The following PCDHA9 variants were observed in gnomAD, a reference collection of about 807,000 sequenced individuals.
PCDHA9 encodes the protein protocadherin alpha-9.
In PCDHA9, 62 loss-of-function variants were observed where a neutral mutation model predicts 62.0. That is an observed-to-expected ratio of 1.00 (90% CI 0.81 to 1.23). PCDHA9 has a LOEUF of 1.23. Ranked by LOEUF, PCDHA9 falls within the 50% of genes most tolerant of loss-of-function variation. The probability of loss-of-function intolerance (pLI) is 0.00; values close to 1 mark genes in which losing one functional copy is unlikely to be tolerated. For missense variants in PCDHA9, 1,205 were observed against 1,249.8 expected (o/e 0.96, Z 0.54); for synonymous variants, 557 against 567.6 (o/e 0.98, Z 0.27).
At chr5:140,860,323 G>A (rs782283348) in intron 1 of PCDHA9, 1 of 152,078 alleles carries the variant, frequency 6.6e-6, no homozygotes, top group African/African-American at 2.4e-5. Context: ...TGAGGCTGCA[G>A]TGACCCATGA....
chr5:140,928,256 C>G (rs1192362928), intron 1 of PCDHA9: 19 of 1,614,116 alleles, frequency 1.2e-5, no homozygotes, highest in Non-Finnish European at 1.5e-5. Flanking sequence ...CTTTTCGTTG[C>G]TGAAAACAAT....
chr5:141,002,218 A>T (rs782352324), intron 3 of PCDHA9, among the ~76,000 whole-genome samples: 124 of 152,272 alleles, frequency 8.1e-4, no homozygotes, highest in Admixed American at 3.6e-3. Context: ...AATCAAAATG[A>T]TGGGTTTTCT....
At chr5:140,871,004 G>T in intron 1 of PCDHA9, 1 of 1,613,410 alleles carries the variant, frequency 6.2e-7, no homozygotes, top group Non-Finnish European at 8.5e-7. Context: ...AGCACAACGC[G>T]TGCCCTGGAC....
intron 1 of PCDHA9, chr5:140,927,577 A>T: frequency 6.2e-7 from 1 of 1,614,170 alleles, no homozygotes; most frequent in Non-Finnish European, 8.5e-7. Flanking sequence ...CACAAATGAC[A>T]ACGCGCCTGT....
At position 140,916,547 on chromosome 5, in the gene PCDHA9, T is replaced by A. The variant is rs541671578; in HGVS notation, c.2395-62402T>A. On this transcript the variant is annotated intron_variant, in intron 1 of 3. Transcript: ENST00000532602. ...TCCTTCCCACCAAGGCAATGGGTTT[T>A]CTATTTGTCCAGGGTGTGTCTAGAA... Among the ~76,000 whole-genome samples the A allele has an allele frequency of 2.0e-4, 31 of 152,324 alleles. 1 individual carries two copies. Among genetic ancestry groups the A allele is most frequent in the Non-Finnish European group, 3.4e-4 (23 of 68,020 alleles).
chr5:140,964,964 C>A (rs1035701368), intron 1 of PCDHA9, among the ~76,000 whole-genome samples: 1 of 152,094 alleles, frequency 6.6e-6, no homozygotes, highest in Non-Finnish European at 1.5e-5. Flanking sequence ...GTTGGTGGAA[C>A]GAAGGGATGT....
chr5:140,865,916 T>C (rs1446855400), intron 1 of PCDHA9: 1 of 152,190 alleles, frequency 6.6e-6, no homozygotes, highest in Non-Finnish European at 1.5e-5. Context: ...TTTCTTTCTG[T>C]TGTGCTTAGA....
chr5:140,857,161 C>G (rs782653443), intron 1 of PCDHA9: 1 of 1,598,332 alleles, frequency 6.3e-7, no homozygotes, highest in Non-Finnish European at 8.6e-7. Flanking sequence ...TTGCCCTAAT[C>G]AGCGTTTCTG....
At chr5:140,884,706 C>T (rs1554181856) in intron 1 of PCDHA9, 3 of 1,489,002 alleles carry the variant, frequency 2.0e-6, no homozygotes, top group Non-Finnish European at 8.9e-7. Flanking sequence ...ACACTTTAGC[C>T]TTCCTTGCAG....
intron 1 of PCDHA9, among the ~76,000 whole-genome samples, chr5:140,950,449 T>G (rs1377637881): frequency 4.6e-5 from 7 of 152,088 alleles, no homozygotes; most frequent in African/African-American, 1.7e-4. Flanking sequence ...GTTATTCTAC[T>G]GTCTTCTAAT....
In PCDHA9 at chr5:140,892,541, T is replaced by G. The variant is rs192378744; in HGVS notation, c.2394+41652T>G. Among the ~76,000 whole-genome samples, 3 of 152,250 alleles carry G rather than the reference T, an allele frequency of 2.0e-5. 1 individual carries two copies. The highest frequency in any genetic ancestry group is 7.2e-5 in the African/African-American group (3 of 41,464). ...CTGGTAGACTCAGGATTCTGACTTT[T>G]GTTTCTCTAGTCCTTGGAGACTGTC... On this transcript the variant is annotated intron_variant, in intron 1 of 3. Transcript: ENST00000532602.
Position 140,850,536 on chromosome 5 carries a change from C to A in PCDHA9, c.2041C>A (p.Arg681=), listed in dbSNP as rs1342459599. ...CGGCCAGGCGCCAAAGTCATCGTCGCGGGCGTCAGTGGGTGCCACGGGCCC... is the reference window on the plus strand; with the variant it reads ...CGGCCAGGCGCCAAAGTCATCGTCGAGGGCGTCAGTGGGTGCCACGGGCCC... ...ESGQAPKSSS[R]ASVGATGPEV... is the part of the protein sequence containing the mutation. The change falls in exon 1 of 4, where the codon CGG becomes AGG. Residue 681 remains arginine, a synonymous_variant. Coordinates refer to ENST00000532602, the MANE Select transcript of PCDHA9 (RefSeq NM_031857.2). 1.9e-6 allele frequency: 3 copies of A among 1,598,178 alleles called. No individual in the cohort carries two copies. Among genetic ancestry groups the A allele is most frequent in the East Asian group, 2.2e-5 (1 of 44,850 alleles).
chr5:140,968,370 A>T (rs1169551068), intron 1 of PCDHA9: 1 of 1,613,428 alleles, frequency 6.2e-7, no homozygotes, highest in African/African-American at 1.3e-5. Flanking sequence ...TATGCTGTCA[A>T]CTCCTTTGAC....
chr5:140,884,555 G>A (rs1554181729), intron 1 of PCDHA9: 1 of 1,614,098 alleles, frequency 6.2e-7, no homozygotes. Flanking sequence ...CTCTGGGGAG[G>A]GCCCGCATAA....
At chr5:140,882,301 G>T in intron 1 of PCDHA9, 1 of 1,613,800 alleles carries the variant, frequency 6.2e-7, no homozygotes, top group Non-Finnish European at 8.5e-7. Context: ...GCCCAAGACC[G>T]CGGCAACTAC....
chr5:140,999,603 G>C (rs552647484), intron 3 of PCDHA9, among the ~76,000 whole-genome samples: 1 of 152,246 alleles, frequency 6.6e-6, no homozygotes, highest in South Asian at 2.1e-4. Flanking sequence ...TACATCCTGG[G>C]GGACCTTATC....
At chr5:140,852,612 C>T (rs1177069451) in intron 1 of PCDHA9, 3 of 914,508 alleles carry the variant, frequency 3.3e-6, no homozygotes, top group Non-Finnish European at 4.0e-6. Context: ...TCTTTCAAAA[C>T]TTGAGTGGTC....
At chr5:140,879,347 T>C (rs530902728) in intron 1 of PCDHA9, among the ~76,000 whole-genome samples, 44 of 152,324 alleles carry the variant, frequency 2.9e-4, no homozygotes, top group African/African-American at 1.0e-3. Context: ...GCTGAGAAGA[T>C]GACATTGCCA....
chr5:140,917,324 C>CGGGGGGGGGGGG (rs1299895515), intron 1 of PCDHA9, among the ~76,000 whole-genome samples: 1 of 76,120 alleles, frequency 1.3e-5, no homozygotes, highest in African/African-American at 4.3e-5. Context: ...GTTCATGTGG[C>CGGGGGGGGGGGG]GGGGGAGGGG....
Sources: allele counts gnomAD v4.1 joint callset (sites outside exome capture counted in the v4.1 genomes callset), GRCh38; gene constraint gnomAD v4.1.1; transcripts MANE v1.5; gene names NCBI Gene and HGNC (gene_info 2026-07-23, HGNC 2026-07-21).